Variants in USP6 observed in about 807,000 individuals in gnomAD.
USP6 encodes ubiquitin specific peptidase 6, also known as ubiquitin carboxyl-terminal hydrolase 6.
A neutral mutation model predicts 175.7 loss-of-function variants in USP6; 128 were observed. That is an observed-to-expected ratio of 0.73 (90% CI 0.63 to 0.84). The LOEUF (loss-of-function observed/expected upper bound fraction) is 0.84, where lower values mean the gene tolerates loss of function less well. Among genes scored for constraint, USP6 ranks in the 40% least tolerant of loss-of-function variants. USP6 has a pLI of 0.00. For synonymous variants in USP6, 562 were observed against 630.6 expected, an observed-to-expected ratio of 0.89 and a Z score of 1.63; for missense variants, 1,498 against 1,760.3, an observed-to-expected ratio of 0.85 and a Z score of 2.67.
intron 22 of USP6, 141 bp from the exon 23 acceptor site, chr17:5,141,284 G>T: frequency 1.4e-6 from 1 of 690,390 alleles, no homozygotes; most frequent in Admixed American, 3.0e-5. Flanking sequence ...TCATCATTAA[G>T]CAATGCATGT....
intron 30 of USP6, among the ~76,000 whole-genome samples, chr17:5,151,694 C>T (rs966850490): frequency 6.6e-6 from 1 of 152,114 alleles, no homozygotes; most frequent in Non-Finnish European, 1.5e-5. Flanking sequence ...AACCAGTTCA[C>T]AAATGTATGA....
chr17:5,152,935 G>T (rs1355227966), intron 30 of USP6, among the ~76,000 whole-genome samples: 3 of 152,188 alleles, frequency 2.0e-5, no homozygotes, highest in Non-Finnish European at 4.4e-5. Context: ...AGTGGAGGTT[G>T]CAGCAAGCTG....
At chr17:5,142,175 G>A (rs543063684) in intron 24 of USP6, 34 bp downstream of exon 24, 3 of 1,598,120 alleles carry the variant, frequency 1.9e-6, no homozygotes, top group African/African-American at 2.7e-5. Flanking sequence ...CTCTTAACCT[G>A]TGACTTTGAT....
intron 30 of USP6, among the ~76,000 whole-genome samples, chr17:5,154,720 T>TC (rs1555603440): frequency 9.2e-6 from 1 of 108,298 alleles, no homozygotes; most frequent in Non-Finnish European, 2.5e-5. Context: ...TCTTTTTTTT[T>TC]TTCCCCCCAC....
At chr17:5,146,294 C>A in intron 28 of USP6, 120 bp downstream of exon 28, 1 of 1,349,700 alleles carries the variant, frequency 7.4e-7, no homozygotes, top group South Asian at 1.9e-5. Flanking sequence ...ATAACGAAAA[C>A]TGAACAACAA....
Position 5,174,691 on chromosome 17 carries a change from A to C in USP6, c.*1713A>C. On this transcript the variant is annotated 3_prime_UTR_variant, in exon 38 of 38. Transcript: ENST00000574788. ...ATGTTTTATTTAAACAGGTAGCACA[A>C]TCTACTAATGTTGTGTGATTTGTGT... is the stretch of plus-strand genomic sequence containing the variant. The C allele has an allele frequency of 5.0e-6, 1 of 201,986 alleles. No individual in the cohort carries two copies. 12.5% of individuals were successfully genotyped at this position (201,986 alleles called of 1,614,324 possible). A position where few individuals can be genotyped will look rare whatever the true frequency, so the allele number is the denominator to read the frequency against.
intron 30 of USP6, among the ~76,000 whole-genome samples, chr17:5,154,225 A>C (rs78064492): frequency 6.6e-6 from 1 of 152,188 alleles, no homozygotes; most frequent in Non-Finnish European, 1.5e-5. Context: ...AATGCTTAAT[A>C]ATCTGAATAA....
chr17:5,172,343 A>G (rs1197545963), intron 37 of USP6, among the ~76,000 whole-genome samples: 1 of 151,834 alleles, frequency 6.6e-6, no homozygotes, highest in Non-Finnish European at 1.5e-5. Flanking sequence ...CATCCTGGCT[A>G]ATATGGTGAA....
At chr17:5,144,509 G>A (rs1361438622) in intron 25 of USP6, among the ~76,000 whole-genome samples, 181 bp from the exon 26 acceptor site, 1 of 150,206 alleles carries the variant, frequency 6.7e-6, no homozygotes, top group African/African-American at 2.4e-5. Flanking sequence ...TTTTTTTTTG[G>A]TCATTTGACA....
At chr17:5,136,491 C>T in intron 17 of USP6, 149 bp from the exon 18 acceptor site, 2 of 1,092,958 alleles carry the variant, frequency 1.8e-6, no homozygotes, top group Non-Finnish European at 2.7e-6. Flanking sequence ...CCCACCTCCC[C>T]AGGGCAAAGG....
At chr17:5,137,966 C>G (rs926887094) in intron 20 of USP6, among the ~76,000 whole-genome samples, 155 bp from the exon 21 acceptor site, 1 of 152,070 alleles carries the variant, frequency 6.6e-6, no homozygotes, top group African/African-American at 2.4e-5. Flanking sequence ...CTGTCCAGAT[C>G]ACCCCCCAGC....
rs530743921 is a variant in USP6, at chr17:5,143,709, C to G, written c.1819-981C>G. On this transcript the variant is annotated intron_variant, in intron 25 of 37. Transcript: ENST00000574788. The stretch of plus-strand genomic sequence containing the variant: ...TTCCCTCCACTATTGTCCCATGACC[C>G]TGCCAAATCCCCCTCTGCGAGAAAC... Among the ~76,000 whole-genome samples, 12 of 151,754 alleles carry G rather than the reference C, an allele frequency of 7.9e-5. No homozygotes were observed. In the East Asian group the frequency reaches 1.9e-3, roughly 25 times the overall value.
chr17:5,171,773 GAT>G, intron 37 of USP6, 94 bp downstream of exon 37: 1 of 1,317,326 alleles, frequency 7.6e-7, no homozygotes, highest in Non-Finnish European at 1.1e-6. Flanking sequence ...ATAGGAAATA[GAT>G]ATTTCTGTTA....
chr17:5,135,451 G>A (rs1036090602), intron 16 of USP6, among the ~76,000 whole-genome samples, 169 bp downstream of exon 16: 11 of 152,102 alleles, frequency 7.2e-5, no homozygotes, highest in Non-Finnish European at 1.3e-4. Flanking sequence ...CAAGGGGGTG[G>A]TCTCAAGGGG....
chr17:5,130,565 C>T lies in USP6; in HGVS notation c.73-37C>T, dbSNP rs1178479387. ...TACCCCCAGGCCCTTGCACCCTTTA[C>T]CTTGGACCCCTCACCAAGGCTCCCT... is the stretch of plus-strand genomic sequence containing the variant. On this transcript the variant is annotated intron_variant, in intron 10 of 37. Transcript: ENST00000574788. 5 of 1,612,534 alleles carry T rather than the reference C, an allele frequency of 3.1e-6. No individual in the cohort carries two copies. The African/African-American group carries it at 6.7e-5, about 22-fold the overall frequency.
chr17:5,132,378 G>A lies in USP6; in HGVS notation c.156-18G>A. ...AGGCCCTGTGCACGTCCTCAGCTCT[G>A]CCTGGGTTGCCTTACAGTGAGACGG... On this transcript the variant is annotated intron_variant, in intron 11 of 37. Transcript: ENST00000574788. The surrounding 1 kb of genome is among the most constrained non-coding windows in gnomAD (Gnocchi z 4.7). 1 of 1,612,202 alleles carries A rather than the reference G, an allele frequency of 6.2e-7. No homozygotes were observed. The highest frequency in any genetic ancestry group is 8.5e-7 in the Non-Finnish European group (1 of 1,179,852).
rs371574199 is a variant in USP6, at chr17:5,137,470, CA to C, written c.826-178del. On this transcript the variant is annotated intron_variant, in intron 19 of 37. Transcript: ENST00000574788. ...TCTCTCCAGGAGCCACATACCCACT[CA>C]AATGAGTACCCCCCCATGAGAAGTT... 3.3e-4 allele frequency among the ~76,000 whole-genome samples: 50 copies of C among 152,324 alleles called. 1 individual carries two copies. In the East Asian group the frequency reaches 9.1e-3, roughly 28 times the overall value.
At chr17:5,163,068 A>G in intron 33 of USP6, 64 bp downstream of exon 33, 2 of 1,487,094 alleles carry the variant, frequency 1.3e-6, no homozygotes, top group Non-Finnish European at 1.8e-6. Flanking sequence ...CAGTGTAACT[A>G]TTATGCCATT....
At chr17:5,117,020 G>C (rs1242118995) in intron 1 of USP6, among the ~76,000 whole-genome samples, 1 of 152,192 alleles carries the variant, frequency 6.6e-6, no homozygotes, top group Non-Finnish European at 1.5e-5. Flanking sequence ...GGAAGGAAAG[G>C]TAAGTACTTT....
Sources: gnomAD v4.1 joint callset for allele counts (sites outside exome capture counted in the v4.1 genomes callset) on GRCh38, gnomAD v4.1.1 for gene constraint, Gnocchi (gnomAD v3.1) non-coding constraint, MANE v1.5 for transcripts, NCBI Gene and HGNC (gene_info 2026-07-23, HGNC 2026-07-21) for gene names.